The following FLVCR2 variants were observed in gnomAD, a reference collection of about 807,000 sequenced individuals.
FLVCR2 encodes the protein choline/ethanolamine transporter FLVCR2.
In FLVCR2, 38 loss-of-function variants were observed where a neutral mutation model predicts 48.9. That is an observed-to-expected ratio of 0.78 (90% CI 0.60 to 1.02). The LOEUF (loss-of-function observed/expected upper bound fraction) is 1.02. Among genes scored for constraint, FLVCR2 ranks in the 50% least tolerant of loss-of-function variants. The pLI is 0.00. For missense variants in FLVCR2, 664 were observed against 663.3 expected, an observed-to-expected ratio of 1.00 and a Z score of -0.01; for synonymous variants, 255 against 257.0, an observed-to-expected ratio of 0.99 and a Z score of 0.07.
intron 1 of FLVCR2, among the ~76,000 whole-genome samples, chr14:75,602,766 C>T (rs1889195496): frequency 6.6e-6 from 1 of 152,034 alleles, no homozygotes. Flanking sequence ...GATGGTTGCA[C>T]AATAGTATGA....
chr14:75,625,254 G>A (rs1326308370), intron 3 of FLVCR2, among the ~76,000 whole-genome samples: 1 of 149,698 alleles, frequency 6.7e-6, no homozygotes, highest in Non-Finnish European at 1.5e-5. Flanking sequence ...CTTGCCACAT[G>A]AGTCACTCCT....
intron 1 of FLVCR2, among the ~76,000 whole-genome samples, chr14:75,603,612 C>T (rs1235912571): frequency 6.6e-6 from 1 of 152,210 alleles, no homozygotes; most frequent in African/African-American, 2.4e-5. Flanking sequence ...CACTGGCTCT[C>T]TGCCCTCATG....
At chr14:75,581,001 G>T (rs1888586412) in intron 1 of FLVCR2, among the ~76,000 whole-genome samples, 1 of 152,084 alleles carries the variant, frequency 6.6e-6, no homozygotes, top group Admixed American at 6.6e-5. Context: ...AAATTTTGGG[G>T]GTGGTATGGA....
chr14:75,620,369 A>T (rs1466209227), intron 1 of FLVCR2, among the ~76,000 whole-genome samples: 1 of 152,190 alleles, frequency 6.6e-6, no homozygotes, highest in Non-Finnish European at 1.5e-5. Context: ...AAGCCAGGAG[A>T]TCTGCTTTCT....
At position 75,641,059 on chromosome 14, in the gene FLVCR2, A is replaced by C. The variant is rs374732067; in HGVS notation, c.1340A>C (p.Gln447Pro). Residue 447 changes from glutamine to proline, a missense_variant and splice_region_variant, in exon 7 of 10, where the codon CAG (glutamine) becomes CCG (proline). Transcript: ENST00000238667. ...ISSGLLNISA[Q>P]VFGIIFTISQ... ...TCCGGCCTCCTCAACATATCTGCACAGGTAGAGCTCGTATTTCCTGTTTGT... is the reference window on the plus strand; with the variant it reads ...TCCGGCCTCCTCAACATATCTGCACCGGTAGAGCTCGTATTTCCTGTTTGT... 2.5e-6 allele frequency: 4 copies of C among 1,611,220 alleles called. No individual in the cohort carries two copies. Among genetic ancestry groups the C allele is most frequent in the Non-Finnish European group, 3.4e-6 (4 of 1,177,452 alleles).
chr14:75,587,060 T>C (rs921321304), intron 1 of FLVCR2, among the ~76,000 whole-genome samples: 6 of 152,118 alleles, frequency 3.9e-5, no homozygotes, highest in Non-Finnish European at 8.8e-5. Flanking sequence ...CTGAAGAAGG[T>C]AAAGGAAGCT....
In FLVCR2 at chr14:75,639,406, G is replaced by A. The variant is rs1257460575; in HGVS notation, c.1179G>A (p.Thr393=). The part of the protein sequence containing the change: ...IMTLVGMVVY[T]FTLNLGHLWV... ...CACTGGTGGGCATGGTGGTGTACAC[G>A]TTTACCTTGAACCTGGGACACCTGT... The change falls in exon 6 of 10, where the codon ACG becomes ACA. Residue 393 remains threonine (T), a synonymous_variant. Transcript: ENST00000238667. The A allele has an allele frequency of 6.8e-6, 11 of 1,614,136 alleles. No homozygotes were observed. The highest frequency in any genetic ancestry group is 6.7e-5 in the East Asian group (3 of 44,890).
chr14:75,598,753 G>A (rs759763650), intron 1 of FLVCR2, among the ~76,000 whole-genome samples: 9 of 152,270 alleles, frequency 5.9e-5, no homozygotes, highest in Non-Finnish European at 1.3e-4. Flanking sequence ...TGGGATTACA[G>A]GCATGAGCTA....
At chr14:75,593,592 C>G (rs2140010838) in intron 1 of FLVCR2, among the ~76,000 whole-genome samples, 1 of 152,274 alleles carries the variant, frequency 6.6e-6, no homozygotes, top group East Asian at 1.9e-4. Context: ...AGGATCCTCC[C>G]CCATGATCCA....
intron 1 of FLVCR2, among the ~76,000 whole-genome samples, chr14:75,601,087 G>A (rs1007492995): frequency 1.1e-4 from 16 of 152,320 alleles, no homozygotes; most frequent in African/African-American, 2.6e-4. Flanking sequence ...ATTTACCCAC[G>A]TATTTATTAA....
intron 5 of FLVCR2, among the ~76,000 whole-genome samples, chr14:75,635,537 C>T (rs1019785055): frequency 6.6e-6 from 1 of 152,062 alleles, no homozygotes; most frequent in Admixed American, 6.6e-5. Context: ...ACCTGAATGC[C>T]CAGTGCATTT....
rs1888529120 is a variant in FLVCR2 at position 75,579,133 on chromosome 14, AC to A, written c.165del (p.Ser56ValfsTer3). The A allele has an allele frequency of 6.2e-7, 1 of 1,613,790 alleles. No individual in the cohort carries two copies. Among genetic ancestry groups the A allele is most frequent in the Non-Finnish European group, 8.5e-7 (1 of 1,179,940 alleles). On this transcript the variant is annotated frameshift_variant, in exon 1 of 10. Coordinates refer to ENST00000238667, the MANE Select transcript of FLVCR2 (RefSeq NM_017791.3). LOFTEE classifies it high-confidence loss of function. ...SVSVHPSSSA[H>X]PSALAQPSGL... is the part of the protein sequence containing the mutation. ...TCTGTCCACCCCAGCAGTTCGGCCC[AC>A]CCCAGTGCCTTAGCCCAACCCAGTG...
At chr14:75,623,746 G>T (rs980542436) in intron 2 of FLVCR2, among the ~76,000 whole-genome samples, 6 of 151,968 alleles carry the variant, frequency 3.9e-5, no homozygotes, top group Admixed American at 2.0e-4. Flanking sequence ...CCTTCCAGAG[G>T]TGATTTAAAA....
At chr14:75,611,643 T>A (rs1251423271) in intron 1 of FLVCR2, among the ~76,000 whole-genome samples, 2 of 151,578 alleles carry the variant, frequency 1.3e-5, no homozygotes, top group Non-Finnish European at 2.9e-5. Flanking sequence ...GAGGCCGAGG[T>A]GAGAGGATTG....
Position 75,578,816 on chromosome 14 carries a change from G to A in FLVCR2, c.-157G>A, listed in dbSNP as rs1229216501. 10 of 710,906 alleles carry A rather than the reference G, an allele frequency of 1.4e-5. No homozygotes were observed. In the Admixed American group the frequency reaches 2.2e-4, roughly 16 times the overall value. 44.0% of individuals were successfully genotyped at this position (710,906 alleles called of 1,614,324 possible). ...GAGCAGGAGCTTGGAGGTGAGCACA[G>A]GAAGCCCCACTTGAGGCTTTTACGC... On this transcript the variant is annotated 5_prime_UTR_variant, in exon 1 of 10. Coordinates refer to ENST00000238667, the MANE Select transcript of FLVCR2 (RefSeq NM_017791.3).
At chr14:75,633,841 G>C in intron 4 of FLVCR2, 145 bp downstream of exon 4, 1 of 745,732 alleles carries the variant, frequency 1.3e-6, no homozygotes, top group Non-Finnish European at 2.4e-6. Flanking sequence ...GATTTGGAGG[G>C]AGATGGCCCT....
At chr14:75,586,171 A>C (rs1415713402) in intron 1 of FLVCR2, among the ~76,000 whole-genome samples, 1 of 152,240 alleles carries the variant, frequency 6.6e-6, no homozygotes, top group Non-Finnish European at 1.5e-5. Context: ...CCGAAAAAGG[A>C]GTCAGCAAAG....
intron 3 of FLVCR2, chr14:75,632,659 CTA>C (rs1671858426): frequency 4.3e-6 from 3 of 702,322 alleles, no homozygotes; most frequent in East Asian, 5.4e-5. Flanking sequence ...TGTCCACAAG[CTA>C]TGTGTCCTGA....
chr14:75,643,967 G>A (rs1433960627), intron 9 of FLVCR2, among the ~76,000 whole-genome samples: 1 of 152,026 alleles, frequency 6.6e-6, no homozygotes, highest in Non-Finnish European at 1.5e-5. Context: ...CTACTCGGGA[G>A]GTGGAGGTTG....
Sources: gnomAD v4.1 joint callset for allele counts (sites outside exome capture counted in the v4.1 genomes callset) on GRCh38, gnomAD v4.1.1 for gene constraint, MANE v1.5 for transcripts, NCBI Gene and HGNC (gene_info 2026-07-23, HGNC 2026-07-21) for gene names.